Variants in ZNF410 observed in about 807,000 individuals in gnomAD.
ZNF410 encodes the protein zinc finger protein 410.
In ZNF410, 18 loss-of-function variants were observed where a neutral mutation model predicts 54.8. The ratio of observed to expected loss-of-function variants is 0.33; its 90% CI spans 0.23 to 0.49. The LOEUF is 0.49. ZNF410 is among the 20% of genes least tolerant of loss of function. The pLI is 0.99. For synonymous variants in ZNF410, 191 were observed against 207.3 expected (o/e 0.92, Z 0.68); for missense variants, 405 against 569.6 (o/e 0.71, Z 2.94).
chr14:73,898,912 C>T (rs1386791764), intron 5 of ZNF410, among the ~76,000 whole-genome samples: 1 of 152,220 alleles, frequency 6.6e-6, no homozygotes, highest in African/African-American at 2.4e-5. Flanking sequence ...CATGCCAGAC[C>T]TACTGAGTCA....
chr14:73,904,830 TA>T (rs1204687383), intron 6 of ZNF410, 71 bp from the exon 7 acceptor site: 3 of 1,509,508 alleles, frequency 2.0e-6, no homozygotes, highest in Non-Finnish European at 2.7e-6. Context: ...TGAGAGTCAA[TA>T]GGGGCTTTGA....
rs141622496 is a variant in ZNF410 at position 73,910,682 on chromosome 14, G to A, written c.1003+1252G>A. 5.8e-3 allele frequency among the ~76,000 whole-genome samples: 877 copies of A among 151,178 alleles called. 7 individuals are homozygous for A. Among genetic ancestry groups the A allele is most frequent in the African/African-American group, 0.013 (523 of 41,162 alleles). On this transcript the variant is annotated intron_variant, in intron 8 of 11. Transcript: ENST00000555044. Reference sequence around the variant, plus strand: ...GCAGGAGAACTGCTTGAACCTGGGAGGCAGAGGTTGCAATGAGCTGAGATT... The same window carrying A: ...GCAGGAGAACTGCTTGAACCTGGGAAGCAGAGGTTGCAATGAGCTGAGATT...
At chr14:73,900,928 G>A (rs1315957833) in intron 5 of ZNF410, among the ~76,000 whole-genome samples, 1 of 152,084 alleles carries the variant, frequency 6.6e-6, no homozygotes, top group Non-Finnish European at 1.5e-5. Context: ...TGTGGCTCAG[G>A]GAAGCCAAAA....
At chr14:73,891,327 G>T (rs190148918) in intron 1 of ZNF410, among the ~76,000 whole-genome samples, 1 of 151,194 alleles carries the variant, frequency 6.6e-6, no homozygotes, top group Non-Finnish European at 1.5e-5. Flanking sequence ...TCAGTCACTT[G>T]TTGTTGCATT....
intron 8 of ZNF410, 106 bp downstream of exon 8, chr14:73,909,536 A>G (rs574512551): frequency 1.9e-4 from 167 of 874,214 alleles, no homozygotes; most frequent in Non-Finnish European, 2.6e-4. Flanking sequence ...ACTGTTCACT[A>G]TAAAGATAGA....
Position 73,904,918 on chromosome 14 carries a change from A to G in ZNF410, c.748A>G (p.Ile250Val). 4 of 1,613,398 alleles carry G rather than the reference A, an allele frequency of 2.5e-6. No homozygotes were observed. The highest frequency in any genetic ancestry group is 3.4e-6 in the Non-Finnish European group (4 of 1,179,836). The change falls in exon 7 of 12, where the codon ATC becomes GTC. Residue 250 changes from isoleucine (I) to valine (V), a missense_variant. Transcript: ENST00000555044. ...TTTTTGCAGAAATGACCGCTCCTTC[A>G]TCTGTCCTGCAGAAGGTTGTGGGAA... ...LKTHRNDRSF[I>V]CPAEGCGKSF...
intron 11 of ZNF410, among the ~76,000 whole-genome samples, chr14:73,929,890 A>G (rs961032739): frequency 1.3e-5 from 2 of 152,126 alleles, no homozygotes; most frequent in East Asian, 1.9e-4. Flanking sequence ...CAGGTGGACA[A>G]TCTCTATTTT....
rs1184946416 is a variant in ZNF410, at chr14:73,923,489, A to G, written c.1365A>G (p.Glu455=). The G allele has an allele frequency of 2.5e-6, 4 of 1,613,576 alleles. No individual in the cohort carries two copies. In the South Asian group the frequency reaches 4.4e-5, roughly 18 times the overall value. Residue 455 remains glutamate (E), a synonymous_variant, in exon 11 of 12, where the codon GAA becomes GAG. Coordinates refer to ENST00000555044, the MANE Select transcript of ZNF410 (RefSeq NM_021188.3). ...VTMQSGRQSY[E]VSVLTAVNPQ... is the part of the protein sequence containing the mutation. Reference sequence around the variant, plus strand: ...TGCAGTCAGGGAGGCAATCATATGAAGTTTCTGTCTTAACTGCAGTAAATC... The same window carrying G: ...TGCAGTCAGGGAGGCAATCATATGAGGTTTCTGTCTTAACTGCAGTAAATC...
chr14:73,903,857 TG>T, intron 5 of ZNF410, 102 bp from the exon 6 acceptor site: 2 of 1,427,070 alleles, frequency 1.4e-6, no homozygotes, highest in Non-Finnish European at 1.9e-6. Flanking sequence ...GATAGATACC[TG>T]ATTAATGATC....
Position 73,922,206 on chromosome 14 carries a change from G to A in ZNF410, c.1270G>A (p.Glu424Lys), listed in dbSNP as rs199809644. The change falls in exon 10 of 12, where the codon GAG becomes AAG. Residue 424 changes from glutamate to lysine, a missense_variant and splice_region_variant. Glu to Lys is a moderately conservative substitution (Grantham distance 56, BLOSUM62 1). Coordinates refer to ENST00000555044, the MANE Select transcript of ZNF410 (RefSeq NM_021188.3). ...NTNSILGVDD[E>K]VLAEGSPRSL... is the part of the protein sequence containing the mutation. The stretch of plus-strand genomic sequence containing the variant: ...CAATTCTATCCTGGGAGTTGATGAT[G>A]GTAAGACTTCCAACTCTCCTTTATT... 8.7e-6 allele frequency: 14 copies of A among 1,612,622 alleles called. No homozygotes were observed. The Admixed American group carries it at 1.5e-4, about 17-fold the overall frequency.
At chr14:73,894,049 T>C in intron 3 of ZNF410, 117 bp downstream of exon 3, 2 of 1,363,876 alleles carry the variant, frequency 1.5e-6, no homozygotes, top group East Asian at 2.3e-5. Flanking sequence ...CTGTAAAAAT[T>C]AGGAGTCATG....
At chr14:73,890,038 G>C (rs539431039) in intron 1 of ZNF410, among the ~76,000 whole-genome samples, 1 of 151,920 alleles carries the variant, frequency 6.6e-6, no homozygotes, top group Admixed American at 6.6e-5. Context: ...CTTGTGTTCC[G>C]CCTGCCTCGG....
intron 5 of ZNF410, 130 bp downstream of exon 5, chr14:73,898,392 T>C: frequency 4.9e-6 from 5 of 1,025,338 alleles, no homozygotes; most frequent in Non-Finnish European, 7.0e-6. Context: ...AATCTGTAAA[T>C]TGTTTAAATT....
chr14:73,913,130 A>G (rs2055610885), intron 8 of ZNF410: 1 of 151,972 alleles, frequency 6.6e-6, no homozygotes, highest in African/African-American at 2.4e-5. Flanking sequence ...TGGCACCATC[A>G]TAGCTCACTG....
chr14:73,889,186 G>GT (rs2055185929), intron 1 of ZNF410, among the ~76,000 whole-genome samples: 2 of 151,518 alleles, frequency 1.3e-5, no homozygotes, highest in South Asian at 2.1e-4. Flanking sequence ...AGGAATTCTT[G>GT]TTTTTTTTGA....
chr14:73,925,590 G>T (rs1956063926), intron 11 of ZNF410, among the ~76,000 whole-genome samples: 1 of 151,986 alleles, frequency 6.6e-6, no homozygotes, highest in Admixed American at 6.6e-5. Flanking sequence ...ACCAAACCCG[G>T]CTAATTTTTG....
At chr14:73,904,189 T>C in intron 6 of ZNF410, 79 bp downstream of exon 6, 2 of 1,509,908 alleles carry the variant, frequency 1.3e-6, no homozygotes, top group Non-Finnish European at 1.8e-6. Flanking sequence ...GCCCCTCAGG[T>C]TGACAAATTA....
chr14:73,894,466 G>C (rs1260461310), intron 3 of ZNF410: 1 of 694,072 alleles, frequency 1.4e-6, no homozygotes, highest in Non-Finnish European at 2.6e-6. Flanking sequence ...CTGTCGCCCA[G>C]GCTGGAGTGT....
In ZNF410 at chr14:73,896,314, A is replaced by G; in HGVS notation, c.170-2A>G. The G allele has an allele frequency of 6.2e-7, 1 of 1,613,178 alleles. No homozygotes were observed. Among genetic ancestry groups the G allele is most frequent in the Non-Finnish European group, 8.5e-7 (1 of 1,179,208 alleles). The stretch of plus-strand genomic sequence containing the variant: ...AAAGCTGTGGTATTTTCCCTTTACT[A>G]GATGATACTACAAATCATTCTAACT... On this transcript the variant is annotated splice_acceptor_variant, in intron 3 of 11. Coordinates refer to ENST00000555044, the MANE Select transcript of ZNF410 (RefSeq NM_021188.3). LOFTEE classifies it high-confidence loss of function.
Sources: gnomAD v4.1 joint callset for allele counts (sites outside exome capture counted in the v4.1 genomes callset) on GRCh38, gnomAD v4.1.1 for gene constraint, MANE v1.5 for transcripts, NCBI Gene and HGNC (gene_info 2026-07-23, HGNC 2026-07-21) for gene names.